The following TMEM38B variants were observed in gnomAD, a reference collection of about 807,000 sequenced individuals.
TMEM38B encodes the protein transmembrane protein 38B.
In TMEM38B, 24 loss-of-function variants were observed where a neutral mutation model predicts 28.7. The ratio of observed to expected loss-of-function variants is 0.84; its 90% CI spans 0.61 to 1.18. The LOEUF (loss-of-function observed/expected upper bound fraction) is 1.18. Among genes scored for constraint, TMEM38B ranks in the 50% most tolerant of loss-of-function variants. TMEM38B has a pLI of 0.00. For synonymous variants in TMEM38B, 131 were observed against 127.7 expected, an observed-to-expected ratio of 1.03 and a Z score of -0.17; for missense variants, 380 against 350.9, an observed-to-expected ratio of 1.08 and a Z score of -0.66.
At chr9:105,719,698 A>G (rs538107786) in intron 2 of TMEM38B, among the ~76,000 whole-genome samples, 1 of 152,278 alleles carries the variant, frequency 6.6e-6, no homozygotes, top group East Asian at 1.9e-4. Flanking sequence ...GTCTTATACT[A>G]TAATGTCACA....
intron 1 of TMEM38B, among the ~76,000 whole-genome samples, chr9:105,703,497 G>T (rs935542705): frequency 2.6e-5 from 4 of 152,280 alleles, no homozygotes; most frequent in East Asian, 3.9e-4. Flanking sequence ...GAATAATGCC[G>T]CAATAAACAT....
chr9:105,694,700 C>T lies in TMEM38B; in HGVS notation c.40C>T (p.Arg14Cys), dbSNP rs150109643. 1.9e-6 allele frequency: 3 copies of T among 1,613,896 alleles called. No individual in the cohort carries two copies. Among genetic ancestry groups the T allele is most frequent in the Admixed American group, 1.7e-5 (1 of 60,008 alleles). Residue 14 changes from arginine (R) to cysteine (C), a missense_variant, in exon 1 of 6, where the codon CGC becomes TGC. Transcript: ENST00000374692. Reference sequence around the variant, plus strand: ...GGACGAGTTGGCTCTGGCCTTCTCCCGCACGTCCATGTTTCCCTTTTTTGA... The same window carrying T: ...GGACGAGTTGGCTCTGGCCTTCTCCTGCACGTCCATGTTTCCCTTTTTTGA... Reference protein sequence around the residue: ...PWDELALAFSRTSMFPFFDIA... With the variant: ...PWDELALAFSCTSMFPFFDIA...
intron 4 of TMEM38B, among the ~76,000 whole-genome samples, chr9:105,738,390 G>A (rs1837063063): frequency 6.6e-6 from 1 of 151,976 alleles, no homozygotes; most frequent in East Asian, 1.9e-4. Context: ...TCTCTACATG[G>A]CCATACTCTG....
At chr9:105,738,415 A>G (rs993194114) in intron 4 of TMEM38B, among the ~76,000 whole-genome samples, 1 of 151,516 alleles carries the variant, frequency 6.6e-6, no homozygotes, top group Non-Finnish European at 1.5e-5. Context: ...TGTGCTCTAT[A>G]TATAGAGTTG....
chr9:105,704,266 G>A (rs1024088326), intron 1 of TMEM38B, among the ~76,000 whole-genome samples: 11 of 151,938 alleles, frequency 7.2e-5, no homozygotes, highest in South Asian at 2.1e-4. Flanking sequence ...GTGTGGTGGC[G>A]CGTGCCTATA....
chr9:105,767,709 A>G (rs991741148), intron 5 of TMEM38B, among the ~76,000 whole-genome samples: 16 of 152,186 alleles, frequency 1.1e-4, no homozygotes, highest in African/African-American at 3.6e-4. Flanking sequence ...TAGAAATAGT[A>G]GTTTTTCAAA....
intron 1 of TMEM38B, among the ~76,000 whole-genome samples, chr9:105,702,553 G>A (rs72730829): frequency 0.2 from 29,667 of 152,076 alleles, 3,057 homozygotes; most frequent in Middle Eastern, 0.31. Flanking sequence ...ACTATTAAGC[G>A]TAGTCTAATG....
At chr9:105,751,308 A>G (rs1324104229) in intron 5 of TMEM38B, among the ~76,000 whole-genome samples, 3 of 152,198 alleles carry the variant, frequency 2.0e-5, no homozygotes, top group East Asian at 3.9e-4. Flanking sequence ...TTGCCAGCCA[A>G]GGGAAGCAGT....
intron 5 of TMEM38B, among the ~76,000 whole-genome samples, 156 bp downstream of exon 5, chr9:105,748,346 T>G (rs1477936491): frequency 1.3e-5 from 2 of 152,204 alleles, no homozygotes; most frequent in African/African-American, 4.8e-5. Flanking sequence ...TCCATGACTT[T>G]CTGAAACTTA....
intron 5 of TMEM38B, among the ~76,000 whole-genome samples, chr9:105,761,537 T>G (rs1438216450): frequency 6.6e-6 from 1 of 152,186 alleles, no homozygotes; most frequent in Non-Finnish European, 1.5e-5. Flanking sequence ...ATATAATCTC[T>G]TCTGTAAGGT....
At position 105,773,971 on chromosome 9, in the gene TMEM38B, A is replaced by G. The variant is rs775013275; in HGVS notation, c.767A>G (p.Lys256Arg). ...CAGCAGCCGTTTTCATCATGTGAGA[A>G]GAAAAGTGAAGCAAAGTCACCTTCC... ...GWQQPFSSCE[K>R]KSEAKSPSNG... is the part of the protein sequence containing the mutation. Residue 256 changes from lysine (K) to arginine (R), a missense_variant, in exon 6 of 6, where the codon AAG (lysine) becomes AGG (arginine). Physicochemically the swap from Lys to Arg is conservative, Grantham distance 26. Coordinates refer to ENST00000374692, the MANE Select transcript of TMEM38B (RefSeq NM_018112.3). 2 of 1,613,716 alleles carry G rather than the reference A, an allele frequency of 1.2e-6. No homozygotes were observed. The highest frequency in any genetic ancestry group is 2.7e-5 in the African/African-American group (2 of 74,922).
rs1179429999 is a variant in TMEM38B at position 105,722,586 on chromosome 9, G to A, written c.507G>A (p.Trp169Ter). ...TNFERLVKGD[W>*]KPEGDEWLKM... The stretch of plus-strand genomic sequence containing the variant: ...TTGAGAGGTTGGTAAAAGGAGATTG[G>A]AAACCAGAAGGTGATGAATGGCTGA... The change falls in exon 4 of 6, where the codon TGG becomes TGA. Residue 169 changes from tryptophan (W) to a stop codon, truncating the protein, a stop_gained. Coordinates refer to ENST00000374692, the MANE Select transcript of TMEM38B (RefSeq NM_018112.3). LOFTEE classifies it high-confidence loss of function. The A allele has an allele frequency of 4.3e-6, 7 of 1,613,600 alleles. No individual in the cohort carries two copies. The South Asian group carries it at 5.5e-5, about 13-fold the overall frequency.
intron 4 of TMEM38B, among the ~76,000 whole-genome samples, chr9:105,726,440 C>T (rs912875149): frequency 2.3e-4 from 35 of 152,016 alleles, no homozygotes; most frequent in South Asian, 4.2e-4. Context: ...CATAAACACA[C>T]ACATTAGCCT....
At chr9:105,715,758 T>C (rs1337805209) in intron 2 of TMEM38B, among the ~76,000 whole-genome samples, 1 of 152,170 alleles carries the variant, frequency 6.6e-6, no homozygotes, top group Admixed American at 6.5e-5. Context: ...GTTCTCAGTT[T>C]TGCTTATTCT....
intron 5 of TMEM38B, among the ~76,000 whole-genome samples, chr9:105,762,477 A>G (rs1754499565): frequency 2.8e-5 from 4 of 144,390 alleles, no homozygotes; most frequent in Admixed American, 2.2e-4. Flanking sequence ...CTCATTGTTC[A>G]GTTCCCACCT....
intron 5 of TMEM38B, among the ~76,000 whole-genome samples, chr9:105,769,496 T>G (rs1180193955): frequency 1.3e-5 from 2 of 152,072 alleles, no homozygotes; most frequent in Non-Finnish European, 2.9e-5. Flanking sequence ...TTGTATTTTT[T>G]GTACAATTTT....
chr9:105,700,771 CA>C (rs1835438054), intron 1 of TMEM38B, among the ~76,000 whole-genome samples: 1 of 152,130 alleles, frequency 6.6e-6, no homozygotes, highest in Non-Finnish European at 1.5e-5. Context: ...GCAGTGGTGG[CA>C]GCTGAGTTTT....
At chr9:105,772,732 C>T (rs900525743) in intron 5 of TMEM38B, among the ~76,000 whole-genome samples, 12 of 151,828 alleles carry the variant, frequency 7.9e-5, no homozygotes, top group East Asian at 1.9e-4. Flanking sequence ...ATTTCAGTGA[C>T]GTTTAGTACT....
chr9:105,738,208 AC>A (rs1837055067), intron 4 of TMEM38B, among the ~76,000 whole-genome samples: 1 of 151,492 alleles, frequency 6.6e-6, no homozygotes, highest in Admixed American at 6.6e-5. Flanking sequence ...TGGGCTCAGT[AC>A]CTATGAGGTC....
Sources: allele counts gnomAD v4.1 joint callset (sites outside exome capture counted in the v4.1 genomes callset), GRCh38; gene constraint gnomAD v4.1.1; transcripts MANE v1.5; gene names NCBI Gene and HGNC (gene_info 2026-07-23, HGNC 2026-07-21).